The following MZT2B variants were observed in gnomAD, a reference collection of about 807,000 sequenced individuals.
The protein encoded by MZT2B is mitotic-spindle organizing protein 2B.
In MZT2B, 11 loss-of-function variants were observed where a neutral mutation model predicts 12.1. That is an observed-to-expected ratio of 0.91 (90% CI 0.57 to 1.50). MZT2B has a LOEUF of 1.50. Ranked by LOEUF, MZT2B falls within the 40% of genes most tolerant of loss-of-function variation. The probability of loss-of-function intolerance (pLI) is 0.00; values close to 1 mark genes in which losing one functional copy is unlikely to be tolerated. For missense variants in MZT2B, 209 were observed against 227.7 expected (o/e 0.92, Z 0.53); for synonymous variants, 85 against 109.5 (o/e 0.78, Z 1.40).
At chr2:130,201,189 AAGG>A in the MZT2B span, among the ~76,000 whole-genome samples, 2 of 152,210 alleles carry the variant, frequency 1.3e-5, no homozygotes, top group African/African-American at 4.8e-5. Context: ...GCTTTGGCAA[AAGG>A]AGGAGGGGCA....
intron 2 of MZT2B, chr2:130,183,402 G>A (rs1474785689): frequency 1.3e-5 from 5 of 372,358 alleles, no homozygotes. Flanking sequence ...AGGGTGCAGA[G>A]GCCTGCGGGG....
At chr2:130,185,349 G>C (rs1690019706) in intron 2 of MZT2B, among the ~76,000 whole-genome samples, 1 of 151,522 alleles carries the variant, frequency 6.6e-6, no homozygotes, top group African/African-American at 2.4e-5. Flanking sequence ...CATGGTGGTG[G>C]CGCCCATCTG....
At chr2:130,191,133 G>A (rs536745139), downstream of MZT2B, among the ~76,000 whole-genome samples, 4 of 151,910 alleles carry the variant, frequency 2.6e-5, no homozygotes, top group East Asian at 7.7e-4. Flanking sequence ...TGTATTTTTA[G>A]TAGAGACGGG....
At position 130,182,395 on chromosome 2, in the gene MZT2B, T is replaced by C. The variant is rs759973768; in HGVS notation, c.113T>C (p.Met38Thr). 111 of 1,562,128 alleles carry C rather than the reference T, an allele frequency of 7.1e-5. No homozygotes were observed. The highest frequency in any genetic ancestry group is 4.5e-4 in the Admixed American group (24 of 53,366). ...RRKKVLSTEE[M>T]ELYELAQAAG... Reference sequence around the variant, plus strand: ...AAGAAGGTGCTGAGCACCGAGGAGATGGAGCTGTACGAGCTGGCGCAGGCG... The same window carrying C: ...AAGAAGGTGCTGAGCACCGAGGAGACGGAGCTGTACGAGCTGGCGCAGGCG... Residue 38 changes from methionine to threonine, a missense_variant, in exon 1 of 3, where the codon ATG becomes ACG. Coordinates refer to ENST00000281871, the MANE Select transcript of MZT2B (RefSeq NM_025029.5).
chr2:130,194,466 C>T (rs1390099050), downstream of MZT2B: 1 of 1,539,328 alleles, frequency 6.5e-7, no homozygotes, highest in Admixed American at 2.0e-5. Context: ...CACAGATCCG[C>T]CTGAGAGAAA....
chr2:130,195,429 G>A (rs1045342863), downstream of MZT2B, among the ~76,000 whole-genome samples: 2 of 152,212 alleles, frequency 1.3e-5, no homozygotes, highest in African/African-American at 2.4e-5. Flanking sequence ...ACTCTACGAC[G>A]TTAAACTCAG....
At chr2:130,201,115 T>C in the MZT2B span, among the ~76,000 whole-genome samples, 1 of 152,206 alleles carries the variant, frequency 6.6e-6, no homozygotes, top group African/African-American at 2.4e-5. Flanking sequence ...GTCCAGGAGT[T>C]GAGACTTTTC....
At chr2:130,195,619 C>T (rs1690385257), downstream of MZT2B, among the ~76,000 whole-genome samples, 1 of 152,252 alleles carries the variant, frequency 6.6e-6, no homozygotes, top group East Asian at 1.9e-4. Context: ...CCCATCAGGG[C>T]ACCCTGGATG....
At chr2:130,202,227 T>A in the MZT2B span, 1 of 1,091,968 alleles carries the variant, frequency 9.2e-7, no homozygotes, top group South Asian at 1.5e-5. Flanking sequence ...TCCTGTGAAT[T>A]ATTAAATCAT....
At position 130,186,448 on chromosome 2, in the gene MZT2B, C is replaced by A. The variant is rs551165548; in HGVS notation, c.319+3673C>A. Among the ~76,000 whole-genome samples, 187 of 152,266 alleles carry A rather than the reference C, an allele frequency of 1.2e-3. 1 individual carries two copies. The highest frequency in any genetic ancestry group is 4.5e-3 in the African/African-American group (187 of 41,550). On this transcript the variant is annotated intron_variant, in intron 2 of 2. Transcript: ENST00000281871. ...GGAAAAATAAATTCAGTCAAGCGTTCTATTTAAGTTTAGAGAAACTATACG... is the reference window on the plus strand; with the variant it reads ...GGAAAAATAAATTCAGTCAAGCGTTATATTTAAGTTTAGAGAAACTATACG...
chr2:130,191,446 C>CT (rs1453153509), downstream of MZT2B, among the ~76,000 whole-genome samples: 4 of 152,198 alleles, frequency 2.6e-5, no homozygotes, highest in Admixed American at 6.5e-5. Flanking sequence ...TCCAACACTT[C>CT]ATGCTCCCTT....
intron 2 of MZT2B, among the ~76,000 whole-genome samples, chr2:130,186,147 T>C (rs1690055295): frequency 6.7e-6 from 1 of 149,792 alleles, no homozygotes; most frequent in South Asian, 2.2e-4. Flanking sequence ...ATAAGGGGGG[T>C]TGTTGGAGTG....
At chr2:130,204,293 C>G in the MZT2B span, 1 of 438,744 alleles carries the variant, frequency 2.3e-6, no homozygotes, top group Non-Finnish European at 4.3e-6. Flanking sequence ...GAGCTCTACT[C>G]CCAGAAGCAG....
chr2:130,193,375 G>A (rs1337510661), downstream of MZT2B, among the ~76,000 whole-genome samples: 2 of 152,016 alleles, frequency 1.3e-5, no homozygotes, highest in Non-Finnish European at 2.9e-5. Flanking sequence ...TTGGGAGGCT[G>A]AGGCAGGCAG....
At chr2:130,183,284 C>G (rs1460837572) in intron 2 of MZT2B, 2 of 274,292 alleles carry the variant, frequency 7.3e-6, no homozygotes, top group Non-Finnish European at 7.1e-6. Flanking sequence ...AGGCAGAGGT[C>G]TTCCTGCCTT....
intron 2 of MZT2B, among the ~76,000 whole-genome samples, chr2:130,186,732 A>G (rs1171799615): frequency 6.6e-6 from 1 of 152,150 alleles, no homozygotes; most frequent in African/African-American, 2.4e-5. Flanking sequence ...ACACAGGGAG[A>G]CCCAATCTCT....
intron 2 of MZT2B, chr2:130,183,790 C>T (rs1427529386): frequency 6.4e-7 from 1 of 1,550,680 alleles, no homozygotes; most frequent in Admixed American, 2.0e-5. Flanking sequence ...CCTCCAGAGG[C>T]CTCCTTTCTC....
the MZT2B span, among the ~76,000 whole-genome samples, chr2:130,199,784 T>A: frequency 9.7e-4 from 64 of 66,214 alleles, 18 homozygotes; most frequent in Admixed American, 2.9e-3. Flanking sequence ...CCTGAGGAAT[T>A]TATATTAAAA....
the MZT2B span, among the ~76,000 whole-genome samples, chr2:130,201,159 A>C: frequency 2.6e-5 from 4 of 152,226 alleles, no homozygotes; most frequent in Non-Finnish European, 5.9e-5. Context: ...CAGTGCAATC[A>C]GGTCTTCCCT....
Sources: gnomAD v4.1 joint callset for allele counts (sites outside exome capture counted in the v4.1 genomes callset) on GRCh38, gnomAD v4.1.1 for gene constraint, MANE v1.5 for transcripts, NCBI Gene and HGNC (gene_info 2026-07-23, HGNC 2026-07-21) for gene names.